Variants in GPR158 observed in about 807,000 individuals in gnomAD.
The protein encoded by GPR158 is metabotropic glycine receptor.
In GPR158, 30 loss-of-function variants were observed where a neutral mutation model predicts 78.2. The observed-to-expected ratio is 0.38, with a 90% CI of 0.29 to 0.52. GPR158 has a LOEUF of 0.52. Among genes scored for constraint, GPR158 ranks in the 20% least tolerant of loss-of-function variants. The pLI is 0.83. For synonymous variants in GPR158, 581 were observed against 591.1 expected, an observed-to-expected ratio of 0.98 and a Z score of 0.25; for missense variants, 1,463 against 1,523.5, an observed-to-expected ratio of 0.96 and a Z score of 0.66.
At chr10:25,470,851 TATA>T (rs925329302) in intron 5 of GPR158, among the ~76,000 whole-genome samples, 2 of 152,198 alleles carry the variant, frequency 1.3e-5, no homozygotes, top group African/African-American at 4.8e-5. Flanking sequence ...CTGTTGCTAC[TATA>T]ATCTTTTTTT....
chr10:25,428,717 T>C (rs962290411), intron 4 of GPR158, among the ~76,000 whole-genome samples: 1 of 152,102 alleles, frequency 6.6e-6, no homozygotes, highest in African/African-American at 2.4e-5. Flanking sequence ...TTCAGTTCCG[T>C]ACCTTTGTCC....
At chr10:25,225,816 T>C (rs1853365070) in intron 2 of GPR158, among the ~76,000 whole-genome samples, 1 of 152,066 alleles carries the variant, frequency 6.6e-6, no homozygotes, top group Admixed American at 6.5e-5. Context: ...TACTACTACA[T>C]TAGATGTAGT....
chr10:25,197,617 G>C (rs1459492286), intron 1 of GPR158, among the ~76,000 whole-genome samples: 2 of 152,030 alleles, frequency 1.3e-5, no homozygotes, highest in African/African-American at 4.8e-5. Flanking sequence ...AGATCTCAAG[G>C]TATGAGACAG....
At chr10:25,398,992 C>A (rs1834405021) in intron 3 of GPR158, among the ~76,000 whole-genome samples, 1 of 152,066 alleles carries the variant, frequency 6.6e-6, no homozygotes, top group African/African-American at 2.4e-5. Context: ...AGTGTATTAG[C>A]CCATTTTCAT....
intron 2 of GPR158, among the ~76,000 whole-genome samples, chr10:25,378,842 G>A (rs1834118775): frequency 6.6e-6 from 1 of 151,434 alleles, no homozygotes; most frequent in East Asian, 2.0e-4. Context: ...CCCAGGCTGG[G>A]GTGCAGTGGC....
intron 2 of GPR158, among the ~76,000 whole-genome samples, chr10:25,345,387 G>A (rs777593050): frequency 1.3e-4 from 19 of 151,836 alleles, no homozygotes; most frequent in Non-Finnish European, 1.9e-4. Flanking sequence ...CGTAAAATCG[G>A]TCAATAAGAG....
intron 3 of GPR158, among the ~76,000 whole-genome samples, chr10:25,397,851 G>T (rs1452069617): frequency 6.6e-6 from 1 of 152,128 alleles, no homozygotes; most frequent in Non-Finnish European, 1.5e-5. Context: ...AGAGAGTGAG[G>T]ATATAGTCAC....
intron 4 of GPR158, among the ~76,000 whole-genome samples, chr10:25,428,162 T>C (rs72782115): frequency 0.039 from 5,961 of 152,114 alleles, 123 homozygotes; most frequent in African/African-American, 0.048. Flanking sequence ...TAAAAGAAAC[T>C]TCATTTTTGT....
intron 2 of GPR158, among the ~76,000 whole-genome samples, chr10:25,330,532 T>G (rs1453831997): frequency 6.6e-6 from 1 of 152,196 alleles, no homozygotes; most frequent in Non-Finnish European, 1.5e-5. Flanking sequence ...ATTTGCAGCT[T>G]AGTAGATTGA....
intron 2 of GPR158, among the ~76,000 whole-genome samples, chr10:25,372,312 G>C (rs1339883203): frequency 1.3e-5 from 2 of 151,832 alleles, no homozygotes; most frequent in African/African-American, 2.4e-5. Flanking sequence ...ATTCCTCAGG[G>C]ATCTAGAACT....
At chr10:25,205,212 G>A (rs1465425606) in intron 1 of GPR158, among the ~76,000 whole-genome samples, 1 of 150,948 alleles carries the variant, frequency 6.6e-6, no homozygotes, top group Non-Finnish European at 1.5e-5. Context: ...TTTATCAGCA[G>A]CATGAAAATG....
intron 2 of GPR158, among the ~76,000 whole-genome samples, chr10:25,258,318 C>G (rs1853917949): frequency 6.6e-6 from 1 of 152,182 alleles, no homozygotes; most frequent in Non-Finnish European, 1.5e-5. Context: ...ATTGTAGGCA[C>G]TATCATAAAT....
intron 2 of GPR158, among the ~76,000 whole-genome samples, chr10:25,332,059 T>C (rs1855131622): frequency 6.6e-6 from 1 of 152,160 alleles, no homozygotes; most frequent in African/African-American, 2.4e-5. Flanking sequence ...ACATGCTGTA[T>C]GGCTCTGTGA....
At chr10:25,433,108 A>T (rs1834934874) in intron 4 of GPR158, among the ~76,000 whole-genome samples, 1 of 152,180 alleles carries the variant, frequency 6.6e-6, no homozygotes, top group African/African-American at 2.4e-5. Context: ...GAATTTAAGA[A>T]ACCAGCCTAA....
intron 2 of GPR158, among the ~76,000 whole-genome samples, chr10:25,361,194 T>C (rs1334655042): frequency 6.6e-6 from 1 of 151,968 alleles, no homozygotes; most frequent in Non-Finnish European, 1.5e-5. Flanking sequence ...GTATTTGGCT[T>C]TTTGTGAGTG....
chr10:25,577,164 G>C (rs761135472), intron 7 of GPR158, among the ~76,000 whole-genome samples: 33 of 152,164 alleles, frequency 2.2e-4, no homozygotes, highest in Non-Finnish European at 4.3e-4. Flanking sequence ...CTAACGTGTA[G>C]TGTGTGCCTT....
At chr10:25,274,936 A>C (rs1854163767) in intron 2 of GPR158, among the ~76,000 whole-genome samples, 1 of 152,108 alleles carries the variant, frequency 6.6e-6, no homozygotes. Flanking sequence ...AAGACGAATT[A>C]CTCTCCAGAA....
At chr10:25,525,313 A>G (rs145664282) in intron 5 of GPR158, among the ~76,000 whole-genome samples, 18 of 152,338 alleles carry the variant, frequency 1.2e-4, no homozygotes, top group African/African-American at 4.3e-4. Context: ...ATGTCCACAA[A>G]AACACTTACA....
chr10:25,338,522 T>TA (rs1177381125), intron 2 of GPR158, among the ~76,000 whole-genome samples: 12 of 94,218 alleles, frequency 1.3e-4, no homozygotes, highest in South Asian at 3.3e-4. Context: ...ATAATATACG[T>TA]ATATTACGTA....
Sources: gnomAD v4.1 joint callset for allele counts (sites outside exome capture counted in the v4.1 genomes callset) on GRCh38, gnomAD v4.1.1 for gene constraint, MANE v1.5 for transcripts, NCBI Gene and HGNC (gene_info 2026-07-23, HGNC 2026-07-21) for gene names.